The following RBFOX2 variants were observed in gnomAD, a reference collection of about 807,000 sequenced individuals.
RBFOX2 encodes the protein RNA binding protein fox-1 homolog 2.
RBFOX2 carries 10 observed loss-of-function variants against 49.1 expected under a neutral mutation model. That is an observed-to-expected ratio of 0.20 (90% CI 0.13 to 0.35). RBFOX2 has a LOEUF of 0.35. Ranked by LOEUF, RBFOX2 falls within the 10% of genes least tolerant of loss-of-function variation. The pLI is 1.00. For missense variants in RBFOX2, 323 were observed against 486.9 expected, an observed-to-expected ratio of 0.66 and a Z score of 3.17; for synonymous variants, 183 against 187.4, an observed-to-expected ratio of 0.98 and a Z score of 0.19.
chr22:35,739,445 A>G (rs1436568401), exon 12 of RBFOX2: 1 of 152,520 alleles, frequency 6.6e-6, no homozygotes, highest in Non-Finnish European at 1.5e-5. Context: ...AGCTATTCAC[A>G]AGCAGAATAT....
At chr22:35,845,701 A>G (rs993908629) in intron 1 of RBFOX2, among the ~76,000 whole-genome samples, 5 of 152,222 alleles carry the variant, frequency 3.3e-5, no homozygotes, top group African/African-American at 1.2e-4. Context: ...ATTAAGGAAA[A>G]GGTTCTCAGA....
At chr22:35,768,019 G>GCACACACA (rs923628377) in intron 5 of RBFOX2, among the ~76,000 whole-genome samples, 1 of 151,382 alleles carries the variant, frequency 6.6e-6, no homozygotes, top group African/African-American at 2.4e-5. Context: ...ACACACACAC[G>GCACACACA]CACACACACA....
intron 1 of RBFOX2, among the ~76,000 whole-genome samples, chr22:35,990,158 G>A: frequency 6.6e-6 from 1 of 152,186 alleles, no homozygotes; most frequent in South Asian, 2.1e-4. Flanking sequence ...ACTCCAGCCT[G>A]GTGACAGAGT....
chr22:35,858,084 T>C (rs767738124), intron 1 of RBFOX2, among the ~76,000 whole-genome samples: 18 of 152,132 alleles, frequency 1.2e-4, no homozygotes, highest in Non-Finnish European at 2.2e-4. Context: ...GTTTTAGTAA[T>C]ATGAGTAAAA....
rs1237147059 is a variant in RBFOX2 at position 35,798,519 on chromosome 22, C to A, written c.252+11261G>T. ...ACAAGTAATCTTGAATCTCTCTAAG[C>A]CTCAATTTCTTCATCTGTAAAAGAG... On this transcript the variant is annotated intron_variant, in intron 2 of 11. Transcript: ENST00000405409. Among the ~76,000 whole-genome samples the A allele has an allele frequency of 2.0e-5, 3 of 152,284 alleles. No individual in the cohort carries two copies. In the East Asian group the frequency reaches 5.8e-4, roughly 29 times the overall value.
intron 1 of RBFOX2, among the ~76,000 whole-genome samples, chr22:35,890,170 T>C (rs2047072784): frequency 6.6e-6 from 1 of 152,198 alleles, no homozygotes. Flanking sequence ...AAAATCAAGG[T>C]ATACACAGTT....
intron 6 of RBFOX2, among the ~76,000 whole-genome samples, chr22:35,764,182 T>C (rs1325184983): frequency 6.6e-6 from 1 of 152,182 alleles, no homozygotes; most frequent in Admixed American, 6.5e-5. Context: ...GGGCTAAATA[T>C]ATTTATTGAA....
At chr22:35,908,419 T>G (rs2049369934) in intron 1 of RBFOX2, among the ~76,000 whole-genome samples, 1 of 152,216 alleles carries the variant, frequency 6.6e-6, no homozygotes, top group South Asian at 2.1e-4. Flanking sequence ...ACACTTACAT[T>G]AGGTTACAGT....
At chr22:35,948,514 G>C (rs2054567439) in intron 1 of RBFOX2, among the ~76,000 whole-genome samples, 1 of 151,878 alleles carries the variant, frequency 6.6e-6, no homozygotes, top group African/African-American at 2.4e-5. Context: ...GGAGACCCTG[G>C]GTCTATAAGA....
At chr22:35,758,558 T>C (rs1468082542) in intron 9 of RBFOX2, among the ~76,000 whole-genome samples, 1 of 152,178 alleles carries the variant, frequency 6.6e-6, no homozygotes, top group African/African-American at 2.4e-5. Flanking sequence ...CATATTCACT[T>C]CTTTAAAGAG....
At chr22:35,756,476 C>T (rs1381624559) in intron 9 of RBFOX2, among the ~76,000 whole-genome samples, 2 of 152,064 alleles carry the variant, frequency 1.3e-5, no homozygotes, top group East Asian at 1.9e-4. Context: ...TTGGAAATAA[C>T]TTTTTGTATA....
At chr22:36,006,179 T>C (rs2058611544) in intron 1 of RBFOX2, among the ~76,000 whole-genome samples, 1 of 152,228 alleles carries the variant, frequency 6.6e-6, no homozygotes, top group Admixed American at 6.5e-5. Context: ...TTGATAAAAA[T>C]TTTTGAAAGC....
chr22:35,956,979 T>C (rs1221001062), intron 1 of RBFOX2, among the ~76,000 whole-genome samples: 1 of 152,204 alleles, frequency 6.6e-6, no homozygotes, highest in East Asian at 1.9e-4. Context: ...GTGAAGAACA[T>C]AACTACTCAG....
chr22:35,773,544 CATCTAAT>C lies in RBFOX2; in HGVS notation c.453+4474_453+4480del, dbSNP rs1943200090. Reference sequence around the variant, plus strand: ...ATCACATATACCCTGAAAATATGTACATCTAATATCTATCAATTTTTAAAAAAGAAAA... The same window carrying C: ...ATCACATATACCCTGAAAATATGTACATCTATCAATTTTTAAAAAAGAAAA... On this transcript the variant is annotated intron_variant, in intron 4 of 11. Transcript: ENST00000405409. Among the ~76,000 whole-genome samples the C allele has an allele frequency of 2.0e-5, 3 of 152,004 alleles. No individual in the cohort carries two copies. In the South Asian group the frequency reaches 6.2e-4, roughly 32 times the overall value.
At chr22:35,961,819 T>A (rs1489153185), upstream of RBFOX2, 1 of 702,948 alleles carries the variant, frequency 1.4e-6, no homozygotes, top group African/African-American at 1.9e-5. Flanking sequence ...GGATTCAGAG[T>A]CCTATGACTA....
At chr22:35,992,389 G>A (rs1357921702) in intron 1 of RBFOX2, 1 of 152,088 alleles carries the variant, frequency 6.6e-6, no homozygotes, top group Non-Finnish European at 1.5e-5. Flanking sequence ...GAAGATAACA[G>A]AATGTAGATT....
intron 1 of RBFOX2, among the ~76,000 whole-genome samples, chr22:35,833,297 G>A (rs1191739624): frequency 6.6e-6 from 1 of 152,116 alleles, no homozygotes; most frequent in Non-Finnish European, 1.5e-5. Context: ...TCAAATATTT[G>A]GTTTTTATGT....
intron 1 of RBFOX2, among the ~76,000 whole-genome samples, chr22:36,005,426 T>C (rs563985608): frequency 4.3e-4 from 66 of 152,286 alleles, no homozygotes; most frequent in African/African-American, 1.5e-3. Context: ...CAAAGAAGTG[T>C]CTAAACAAAA....
In RBFOX2 at chr22:35,840,202, A is replaced by G. The variant is rs767632206; in HGVS notation, c.17T>C (p.Met6Thr). Residue 6 changes from methionine to threonine, a missense_variant, in exon 1 of 12, where the codon ATG (methionine) becomes ACG (threonine). Met to Thr is a moderately conservative substitution (Grantham distance 81, BLOSUM62 -1). Coordinates refer to ENST00000405409, the Ensembl canonical transcript of RBFOX2. Reference sequence around the variant, plus strand: ...AAGCACAAATCTTACCTGAGTTACCATTTTCTTTTTCTCCATAAACCAAAC... The same window carrying G: ...AAGCACAAATCTTACCTGAGTTACCGTTTTCTTTTTCTCCATAAACCAAAC... 4.1e-5 allele frequency: 66 copies of G among 1,613,910 alleles called. No homozygotes were observed. The South Asian group carries it at 6.4e-4, about 16-fold the overall frequency.
Sources: allele counts gnomAD v4.1 joint callset (sites outside exome capture counted in the v4.1 genomes callset), GRCh38; gene constraint gnomAD v4.1.1; transcripts MANE v1.5; gene names NCBI Gene and HGNC (gene_info 2026-07-23, HGNC 2026-07-21).